The following USP33 variants were observed in gnomAD, a reference collection of about 807,000 sequenced individuals.
USP33 encodes ubiquitin carboxyl-terminal hydrolase 33.
In USP33, 46 loss-of-function variants were observed where a neutral mutation model predicts 124.2. The observed-to-expected ratio is 0.37, with a 90% CI of 0.29 to 0.47. The LOEUF (loss-of-function observed/expected upper bound fraction) is 0.47. USP33 is among the 20% of genes least tolerant of loss of function. USP33 has a pLI of 0.99. For synonymous variants in USP33, 350 were observed against 352.3 expected, an observed-to-expected ratio of 0.99 and a Z score of 0.07; for missense variants, 851 against 1,070.6, an observed-to-expected ratio of 0.79 and a Z score of 2.86.
intron 1 of USP33, among the ~76,000 whole-genome samples, chr1:77,753,627 A>G (rs1680545695): frequency 6.6e-6 from 1 of 151,922 alleles, no homozygotes; most frequent in Non-Finnish European, 1.5e-5. Context: ...ACTGTATCTT[A>G]TAAGATAGCA....
intron 7 of USP33, among the ~76,000 whole-genome samples, chr1:77,732,789 CTTT>C (rs939934675): frequency 1.0e-4 from 11 of 104,894 alleles, no homozygotes; most frequent in East Asian, 5.3e-4. Flanking sequence ...AATGTCTCTT[CTTT>C]TTTTTTTTTT....
chr1:77,730,883 A>AATCT, intron 7 of USP33, 152 bp from the exon 8 acceptor site: 1 of 484,904 alleles, frequency 2.1e-6, no homozygotes, highest in African/African-American at 2.0e-5. Flanking sequence ...CTTCATAAAG[A>AATCT]GCTCAATCCA....
chr1:77,744,681 T>C (rs567673787), intron 1 of USP33, among the ~76,000 whole-genome samples: 2 of 152,136 alleles, frequency 1.3e-5, no homozygotes, highest in Admixed American at 6.5e-5. Context: ...TCGTCTCTAC[T>C]AAAAATTTAA....
chr1:77,751,001 AG>A lies in USP33; in HGVS notation c.-52+8641del, dbSNP rs1470414670. On this transcript the variant is annotated intron_variant, in intron 1 of 23. Coordinates refer to ENST00000370794, the MANE Select transcript of USP33 (RefSeq NM_201624.3). Reference sequence around the variant, plus strand: ...CATTCTTGTCTGATAATTTAATCACAGGAGATGAGTATTAGACATTAGAAAA... The same window carrying A: ...CATTCTTGTCTGATAATTTAATCACAGAGATGAGTATTAGACATTAGAAAA... Among the ~76,000 whole-genome samples the A allele has an allele frequency of 2.0e-5, 3 of 152,372 alleles. No homozygotes were observed. The East Asian group carries it at 5.8e-4, about 29-fold the overall frequency.
At position 77,723,432 on chromosome 1, in the gene USP33, A is replaced by G; in HGVS notation, c.1288T>C (p.Ser430Pro). The stretch of plus-strand genomic sequence containing the variant: ...TTGTGCTGTTTTTTTCTCTTTGGAG[A>G]TGCAGACTGAGCTAGGATTGAAAAA... Reference protein sequence around the residue: ...APPHKKAQSASPKRKKQHKKY... With the variant: ...APPHKKAQSAPPKRKKQHKKY... The change falls in exon 12 of 24, where the codon TCT becomes CCT. Residue 430 changes from serine to proline, a missense_variant. Physicochemically the swap from Ser to Pro is moderately conservative, Grantham distance 74. Coordinates refer to ENST00000370794, the MANE Select transcript of USP33 (RefSeq NM_201624.3). The G allele has an allele frequency of 6.2e-7, 1 of 1,607,926 alleles. No individual in the cohort carries two copies. The highest frequency in any genetic ancestry group is 8.5e-7 in the Non-Finnish European group (1 of 1,176,458).
intron 1 of USP33, among the ~76,000 whole-genome samples, chr1:77,742,915 ATTAT>A (rs531632530): frequency 0.056 from 8,335 of 147,662 alleles, 277 homozygotes; most frequent in Middle Eastern, 0.15. Flanking sequence ...TCTGCCTTTT[ATTAT>A]TTATTTATTT....
chr1:77,741,749 C>A lies in USP33; in HGVS notation c.-51-1G>T. On this transcript the variant is annotated splice_acceptor_variant, in intron 1 of 23. Transcript: ENST00000370794. LOFTEE classifies it low-confidence loss of function (5UTR_SPLICE). ...CAAGACTTTCAAAATGAGGTAACACCTATAAGAAAAGTAACACACACAAAA... is the reference window on the plus strand; with the variant it reads ...CAAGACTTTCAAAATGAGGTAACACATATAAGAAAAGTAACACACACAAAA... The A allele has an allele frequency of 6.4e-7, 1 of 1,564,984 alleles. No individual in the cohort carries two copies. Among genetic ancestry groups the A allele is most frequent in the Non-Finnish European group, 8.6e-7 (1 of 1,161,044 alleles).
At chr1:77,743,803 T>C (rs931941120) in intron 1 of USP33, among the ~76,000 whole-genome samples, 3 of 152,194 alleles carry the variant, frequency 2.0e-5, no homozygotes, top group Non-Finnish European at 4.4e-5. Context: ...GAAATTATCC[T>C]TAATCTAAAG....
intron 1 of USP33, among the ~76,000 whole-genome samples, chr1:77,751,781 C>T (rs919394029): frequency 3.9e-5 from 6 of 151,928 alleles, no homozygotes; most frequent in African/African-American, 1.4e-4. Flanking sequence ...CTCCACCTCC[C>T]GGGTTCACGC....
intron 11 of USP33, 130 bp from the exon 12 acceptor site, chr1:77,723,573 T>C (rs552467221): frequency 1.2e-4 from 78 of 626,352 alleles, no homozygotes; most frequent in African/African-American, 7.5e-5. Context: ...AATTACTGTG[T>C]TGAAAATTTT....
chr1:77,721,133 A>G, intron 15 of USP33, 39 bp downstream of exon 15: 1 of 1,612,304 alleles, frequency 6.2e-7, no homozygotes. Context: ...CAAGAAAAAT[A>G]CACAACATGC....
chr1:77,734,211 A>G (rs1678163626), intron 7 of USP33, 136 bp downstream of exon 7: 2 of 673,698 alleles, frequency 3.0e-6, no homozygotes, highest in Non-Finnish European at 5.1e-6. Context: ...CGTTGGGACA[A>G]GAATGGGTTA....
Position 77,714,726 on chromosome 1 carries a change from T to C in USP33, c.2103A>G (p.Ile701Met). 6.2e-7 allele frequency: 1 copy of C among 1,612,866 alleles called. No individual in the cohort carries two copies. The highest frequency in any genetic ancestry group is 8.5e-7 in the Non-Finnish European group (1 of 1,179,962). Residue 701 changes from isoleucine (I) to methionine (M), a missense_variant, in exon 19 of 24, where the codon ATA becomes ATG. By Grantham distance (10) the Ile-to-Met change is conservative. This residue lies in a region of USP33 where 281 missense variants were observed against 425.0 expected (regional missense o/e 0.66). Transcript: ENST00000370794. ...ERRRISNLLN[I>M]MEPSLLQFYI... ...AAAACTGAAGGAGGCTTGGTTCCAT[T>C]ATGTTCAATAAATTTGATATCCTTC... is the stretch of plus-strand genomic sequence containing the variant.
intron 12 of USP33, 102 bp from the exon 13 acceptor site, chr1:77,722,298 CAAAAAAAACAAAAAACA>C (rs1056541269): frequency 1.1e-6 from 1 of 889,286 alleles, no homozygotes. Flanking sequence ...TTTAAATAAG[CAAAAAAAACAAAAAACA>C]AAAAAAAACA....
At chr1:77,740,285 G>A (rs1413557413) in intron 4 of USP33, among the ~76,000 whole-genome samples, 1 of 151,982 alleles carries the variant, frequency 6.6e-6, no homozygotes, top group Non-Finnish European at 1.5e-5. Context: ...ATAAACCTAA[G>A]CACCCACTCT....
rs578174902 is a variant in USP33, at chr1:77,729,929, A to C, written c.648T>G (p.Ser216=). 1.2e-6 allele frequency: 2 copies of C among 1,612,854 alleles called. No homozygotes were observed. Among genetic ancestry groups the C allele is most frequent in the African/African-American group, 1.3e-5 (1 of 75,018 alleles). ...CTTGAAACAGAGTAGTAGGCACAAC[A>C]GATCCTGGCCTGAGCAAGAAAACAT... The part of the protein sequence containing the change: ...TELWHKSRPG[S]VVPTTLFQGI... Residue 216 remains serine, a synonymous_variant, in exon 9 of 24, where the codon TCT becomes TCG. Coordinates refer to ENST00000370794, the MANE Select transcript of USP33 (RefSeq NM_201624.3).
intron 22 of USP33, among the ~76,000 whole-genome samples, chr1:77,700,931 TC>T (rs1229836329): frequency 6.6e-6 from 1 of 152,184 alleles, no homozygotes; most frequent in African/African-American, 2.4e-5. Flanking sequence ...ACTCCTGACG[TC>T]AGGTGATCCA....
At chr1:77,755,570 C>T (rs775797884) in intron 1 of USP33, among the ~76,000 whole-genome samples, 20 of 151,806 alleles carry the variant, frequency 1.3e-4, no homozygotes, top group African/African-American at 2.9e-4. Flanking sequence ...TGGTGGCGTG[C>T]GCCTGTAATC....
chr1:77,722,000 A>G, intron 13 of USP33, 24 bp downstream of exon 13: 1 of 1,607,938 alleles, frequency 6.2e-7, no homozygotes, highest in Non-Finnish European at 8.5e-7. Context: ...ACAATCATGT[A>G]ATACAAAGAA....
Sources: gnomAD v4.1 joint callset for allele counts (sites outside exome capture counted in the v4.1 genomes callset) on GRCh38, gnomAD v4.1.1 for gene constraint, gnomAD v4.1.1 regional missense constraint, MANE v1.5 for transcripts, NCBI Gene and HGNC (gene_info 2026-07-23, HGNC 2026-07-21) for gene names.